Variants in HS6ST3 observed in about 807,000 individuals in gnomAD.
HS6ST3 encodes heparan sulfate 6-O-sulfotransferase 3, also known as heparan-sulfate 6-O-sulfotransferase 3.
Under a neutral mutation model 36.7 loss-of-function variants are expected in HS6ST3, and 12 were observed. That is an observed-to-expected ratio of 0.33 (90% CI 0.21 to 0.53). The LOEUF (loss-of-function observed/expected upper bound fraction) is 0.53, where lower values mean the gene tolerates loss of function less well. Among genes scored for constraint, HS6ST3 ranks in the 20% least tolerant of loss-of-function variants. The pLI, the probability that HS6ST3 is intolerant of heterozygous loss-of-function variation, is 0.95. For synonymous variants in HS6ST3, 240 were observed against 257.5 expected, an observed-to-expected ratio of 0.93 and a Z score of 0.65; for missense variants, 584 against 640.9, an observed-to-expected ratio of 0.91 and a Z score of 0.96.
At chr13:96,635,029 A>G (rs190420896) in intron 1 of HS6ST3, among the ~76,000 whole-genome samples, 2 of 152,248 alleles carry the variant, frequency 1.3e-5, no homozygotes, top group Non-Finnish European at 2.9e-5. Context: ...TTGATGTGGC[A>G]TTTCTTGCAT....
chr13:96,149,892 TA>T (rs1275734437), intron 1 of HS6ST3, among the ~76,000 whole-genome samples: 2 of 152,244 alleles, frequency 1.3e-5, no homozygotes, highest in Non-Finnish European at 2.9e-5. Context: ...CTATAGAGAA[TA>T]AAATGTTATC....
chr13:96,348,627 G>T (rs1023287721), intron 1 of HS6ST3, among the ~76,000 whole-genome samples: 1 of 152,194 alleles, frequency 6.6e-6, no homozygotes, highest in African/African-American at 2.4e-5. Flanking sequence ...AGAGGTACTT[G>T]AGCTTGTTTT....
intron 1 of HS6ST3, among the ~76,000 whole-genome samples, chr13:96,304,770 G>A (rs1157723965): frequency 2.3e-5 from 3 of 133,150 alleles, no homozygotes; most frequent in African/African-American, 8.6e-5. Context: ...GAGTTCAGTG[G>A]CACGATCTCA....
At chr13:96,491,473 A>C (rs912982001) in intron 1 of HS6ST3, among the ~76,000 whole-genome samples, 1 of 9,748 alleles carries the variant, frequency 1.0e-4, no homozygotes, top group Non-Finnish European at 7.6e-4. Flanking sequence ...ACTAATGTGC[A>C]AAAAAAAAAA....
chr13:96,600,329 TACACAC>T (rs34142366), intron 1 of HS6ST3, among the ~76,000 whole-genome samples: 37 of 146,054 alleles, frequency 2.5e-4, no homozygotes, highest in Non-Finnish European at 2.6e-4. Flanking sequence ...TGGAGTTAGG[TACACAC>T]ACACACACAC....
At position 96,415,021 on chromosome 13, in the gene HS6ST3, CTTATAG is replaced by C. The variant is rs201491124; in HGVS notation, c.707+323458_707+323463del. On this transcript the variant is annotated intron_variant, in intron 1 of 1. Coordinates refer to ENST00000376705, the MANE Select transcript of HS6ST3 (RefSeq NM_153456.4). ...CATGTTTTATTTTTCTTACTTAGCT[CTTATAG>C]TTATATTAATTACTCAGAAATGTAG... Among the ~76,000 whole-genome samples the C allele has an allele frequency of 8.2e-3, 1,248 of 152,134 alleles. 13 individuals are homozygous for C. Among genetic ancestry groups the C allele is most frequent in the East Asian group, 0.037 (190 of 5,172 alleles).
intron 1 of HS6ST3, among the ~76,000 whole-genome samples, chr13:96,434,819 T>C (rs955658488): frequency 1.3e-5 from 2 of 152,168 alleles, no homozygotes; most frequent in Non-Finnish European, 2.9e-5. Flanking sequence ...TGTTCATTTT[T>C]TATCCTCCTG....
intron 1 of HS6ST3, among the ~76,000 whole-genome samples, chr13:96,308,070 TGAGA>T (rs2139407598): frequency 6.6e-6 from 1 of 152,236 alleles, no homozygotes; most frequent in Non-Finnish European, 1.5e-5. Context: ...ATCAGTAAGA[TGAGA>T]GAAAGTATTT....
intron 1 of HS6ST3, among the ~76,000 whole-genome samples, chr13:96,372,852 C>T (rs1191286297): frequency 6.6e-6 from 1 of 152,106 alleles, no homozygotes; most frequent in East Asian, 1.9e-4. Context: ...TTATTGTGCT[C>T]TTTTAGAATT....
intron 1 of HS6ST3, among the ~76,000 whole-genome samples, chr13:96,718,138 A>G (rs1384067248): frequency 6.6e-6 from 1 of 152,104 alleles, no homozygotes; most frequent in African/African-American, 2.4e-5. Flanking sequence ...CCCACCTAAC[A>G]TTTGCAAAGC....
chr13:96,275,508 T>G (rs1263418504), intron 1 of HS6ST3, among the ~76,000 whole-genome samples: 1 of 152,204 alleles, frequency 6.6e-6, no homozygotes, highest in Non-Finnish European at 1.5e-5. Flanking sequence ...TTTCCATGTA[T>G]TCATTTTTTC....
At position 96,350,490 on chromosome 13, in the gene HS6ST3, A is replaced by G. The variant is rs956754251; in HGVS notation, c.707+258921A>G. Among the ~76,000 whole-genome samples the G allele has an allele frequency of 2.6e-5, 4 of 152,246 alleles. No individual in the cohort carries two copies. In the East Asian group the frequency reaches 7.7e-4, roughly 29 times the overall value. ...TAGAAAAGGGTCTTCTCAAGCATAAATAGCATTTATATGCAAGATATGTTT... is the reference window on the plus strand; with the variant it reads ...TAGAAAAGGGTCTTCTCAAGCATAAGTAGCATTTATATGCAAGATATGTTT... On this transcript the variant is annotated intron_variant, in intron 1 of 1. Transcript: ENST00000376705.
At chr13:96,160,754 C>T (rs2054131886) in intron 1 of HS6ST3, among the ~76,000 whole-genome samples, 1 of 152,180 alleles carries the variant, frequency 6.6e-6, no homozygotes, top group Non-Finnish European at 1.5e-5. Flanking sequence ...TACTTATTTT[C>T]TGCTCCCAGA....
Position 96,091,084 on chromosome 13 carries a change from G to A in HS6ST3, c.222G>A (p.Pro74=). ...EWERRPQLPP[P]PRGPPEGPRG... ...AGCGGCGGCCCCAGTTGCCCCCGCCGCCCCGGGGGCCCCCCGAGGGACCTC... is the reference window on the plus strand; with the variant it reads ...AGCGGCGGCCCCAGTTGCCCCCGCCACCCCGGGGGCCCCCCGAGGGACCTC... Residue 74 remains proline, a synonymous_variant, in exon 1 of 2, where the codon CCG becomes CCA. Transcript: ENST00000376705. 1 of 1,293,670 alleles carries A rather than the reference G, an allele frequency of 7.7e-7. No individual in the cohort carries two copies. The highest frequency in any genetic ancestry group is 9.8e-7 in the Non-Finnish European group (1 of 1,025,256). The allele number at this position is 1,293,670 out of a possible 1,614,324, so 80.1% of individuals were successfully genotyped here.
chr13:96,326,009 T>C (rs550824975), intron 1 of HS6ST3, among the ~76,000 whole-genome samples: 1 of 152,256 alleles, frequency 6.6e-6, no homozygotes, highest in East Asian at 1.9e-4. Context: ...TGGCTTAAAA[T>C]TCCCTAGTGA....
chr13:96,733,908 C>G (rs1876220169), intron 1 of HS6ST3, among the ~76,000 whole-genome samples: 1 of 152,154 alleles, frequency 6.6e-6, no homozygotes, highest in Non-Finnish European at 1.5e-5. Flanking sequence ...TCAATTCCTC[C>G]CACTGCCACC....
intron 1 of HS6ST3, among the ~76,000 whole-genome samples, chr13:96,822,591 C>T (rs1878559777): frequency 1.3e-5 from 2 of 152,150 alleles, no homozygotes; most frequent in Admixed American, 1.3e-4. Flanking sequence ...TTTGAAATTT[C>T]CTCTTATTGA....
chr13:96,117,113 A>T (rs968173651), intron 1 of HS6ST3, among the ~76,000 whole-genome samples: 2 of 152,224 alleles, frequency 1.3e-5, no homozygotes, highest in African/African-American at 4.8e-5. Flanking sequence ...AATTTCTGGT[A>T]TAAGTAATTT....
At chr13:96,765,761 G>T in intron 1 of HS6ST3, among the ~76,000 whole-genome samples, 1 of 152,148 alleles carries the variant, frequency 6.6e-6, no homozygotes, top group East Asian at 1.9e-4. Flanking sequence ...AATATAGACT[G>T]AGTTTTAAAG....
Sources: gnomAD v4.1 joint callset for allele counts (sites outside exome capture counted in the v4.1 genomes callset) on GRCh38, gnomAD v4.1.1 for gene constraint, MANE v1.5 for transcripts, NCBI Gene and HGNC (gene_info 2026-07-23, HGNC 2026-07-21) for gene names.